The following LRRTM4 variants were observed in gnomAD, a reference collection of about 807,000 sequenced individuals.
The protein encoded by LRRTM4 is leucine rich repeat transmembrane neuronal 4.
In LRRTM4, 25 loss-of-function variants were observed where a neutral mutation model predicts 47.6. The observed-to-expected ratio is 0.53, with a 90% CI of 0.38 to 0.73. The LOEUF (loss-of-function observed/expected upper bound fraction) is 0.73, where lower values mean the gene tolerates loss of function less well. Among genes scored for constraint, LRRTM4 ranks in the 30% least tolerant of loss-of-function variants. The pLI is 0.00. For synonymous variants in LRRTM4, 311 were observed against 269.5 expected (o/e 1.15, Z -1.51); for missense variants, 638 against 713.4 (o/e 0.89, Z 1.20).
At chr2:77,275,258 T>C (rs1417809966) in intron 3 of LRRTM4, among the ~76,000 whole-genome samples, 1 of 152,156 alleles carries the variant, frequency 6.6e-6, no homozygotes, top group Non-Finnish European at 1.5e-5. Flanking sequence ...AAGATTACTT[T>C]GTAAGTTTTT....
chr2:77,081,750 A>T (rs1680541496), intron 3 of LRRTM4, among the ~76,000 whole-genome samples: 1 of 152,130 alleles, frequency 6.6e-6, no homozygotes, highest in Middle Eastern at 3.2e-3. Flanking sequence ...TAATTTTCTG[A>T]TAATGCTGCA....
chr2:76,828,545 G>T (rs1354776656), intron 3 of LRRTM4, among the ~76,000 whole-genome samples: 1 of 151,926 alleles, frequency 6.6e-6, no homozygotes, highest in African/African-American at 2.4e-5. Context: ...AAGGATAAGA[G>T]AAATGTGTAT....
intron 3 of LRRTM4, among the ~76,000 whole-genome samples, chr2:77,144,480 A>C (rs1161446087): frequency 6.6e-6 from 1 of 152,074 alleles, no homozygotes; most frequent in Non-Finnish European, 1.5e-5. Context: ...CACATTCATG[A>C]GAGAAGGAAA....
chr2:76,781,012 C>A (rs1489701217), intron 3 of LRRTM4, among the ~76,000 whole-genome samples: 2 of 152,264 alleles, frequency 1.3e-5, no homozygotes, highest in Non-Finnish European at 2.9e-5. Context: ...TGTTGGAATA[C>A]CCTGCCGTGT....
At chr2:76,949,469 T>C (rs1237980257) in intron 3 of LRRTM4, among the ~76,000 whole-genome samples, 3 of 151,882 alleles carry the variant, frequency 2.0e-5, no homozygotes, top group African/African-American at 2.4e-5. Context: ...GAGAGAACAA[T>C]TTATTCTGCT....
chr2:77,395,539 C>A (rs972542797), intron 3 of LRRTM4, among the ~76,000 whole-genome samples: 1 of 151,846 alleles, frequency 6.6e-6, no homozygotes, highest in Non-Finnish European at 1.5e-5. Context: ...TTGAGGAGAC[C>A]ACCTAATCTA....
chr2:77,380,723 G>A (rs929511615), intron 3 of LRRTM4, among the ~76,000 whole-genome samples: 1 of 151,734 alleles, frequency 6.6e-6, no homozygotes, highest in Non-Finnish European at 1.5e-5. Flanking sequence ...TTGAACCCGG[G>A]AGGCAGAGGA....
At chr2:76,936,256 C>G (rs1674943560) in intron 3 of LRRTM4, among the ~76,000 whole-genome samples, 1 of 151,812 alleles carries the variant, frequency 6.6e-6, no homozygotes, top group Admixed American at 6.6e-5. Context: ...TACTATGCAG[C>G]CATAAAAAAG....
chr2:76,986,802 A>G (rs534256027), intron 3 of LRRTM4, among the ~76,000 whole-genome samples: 2 of 151,942 alleles, frequency 1.3e-5, no homozygotes, highest in Non-Finnish European at 2.9e-5. Context: ...CTTTGCAGCT[A>G]TATAGGCCAA....
chr2:77,265,926 A>G (rs1195821390), intron 3 of LRRTM4, among the ~76,000 whole-genome samples: 1 of 152,214 alleles, frequency 6.6e-6, no homozygotes, highest in Non-Finnish European at 1.5e-5. Context: ...ATTTAGATGT[A>G]AAAAGGTAAG....
intron 3 of LRRTM4, among the ~76,000 whole-genome samples, chr2:76,921,924 A>T (rs1224981286): frequency 1.3e-5 from 2 of 152,108 alleles, no homozygotes; most frequent in Non-Finnish European, 2.9e-5. Flanking sequence ...AAATAAAATC[A>T]CTATCTGAAG....
intron 3 of LRRTM4, among the ~76,000 whole-genome samples, chr2:77,176,226 T>C (rs1673195327): frequency 6.6e-6 from 1 of 152,138 alleles, no homozygotes; most frequent in Non-Finnish European, 1.5e-5. Flanking sequence ...GGTTAATGTT[T>C]CCAGATGTGT....
chr2:77,333,836 A>T (rs191364638), intron 3 of LRRTM4, among the ~76,000 whole-genome samples: 3 of 152,252 alleles, frequency 2.0e-5, no homozygotes, highest in Admixed American at 2.0e-4. Flanking sequence ...GACAACTTGC[A>T]CCATGCACCT....
At chr2:76,858,467 A>C (rs985703765) in intron 3 of LRRTM4, among the ~76,000 whole-genome samples, 7 of 152,130 alleles carry the variant, frequency 4.6e-5, no homozygotes, top group Admixed American at 1.3e-4. Flanking sequence ...TTCAGATTGG[A>C]ACTATAACAT....
intron 3 of LRRTM4, among the ~76,000 whole-genome samples, chr2:77,400,450 C>T (rs998129711): frequency 6.6e-6 from 1 of 151,696 alleles, no homozygotes; most frequent in Non-Finnish European, 1.5e-5. Flanking sequence ...AACCTTCTAC[C>T]ACCTCTATAA....
At chr2:76,786,207 T>C (rs1338702616) in intron 3 of LRRTM4, among the ~76,000 whole-genome samples, 1 of 152,114 alleles carries the variant, frequency 6.6e-6, no homozygotes, top group Non-Finnish European at 1.5e-5. Flanking sequence ...CTAGCCTATC[T>C]TCCCAAATGA....
intron 3 of LRRTM4, among the ~76,000 whole-genome samples, chr2:77,011,741 T>G (rs985420452): frequency 4.6e-5 from 7 of 152,082 alleles, no homozygotes; most frequent in African/African-American, 1.7e-4. Flanking sequence ...ATAGTTAACA[T>G]TATCTTATTG....
chr2:77,188,095 C>T (rs1256877303), intron 3 of LRRTM4, among the ~76,000 whole-genome samples: 3 of 152,106 alleles, frequency 2.0e-5, no homozygotes, highest in African/African-American at 7.2e-5. Flanking sequence ...TGTTTACTCC[C>T]TGTAACTTTA....
chr2:76,805,619 G>A (rs538537913), intron 3 of LRRTM4, among the ~76,000 whole-genome samples: 3 of 152,132 alleles, frequency 2.0e-5, no homozygotes, highest in Non-Finnish European at 2.9e-5. Context: ...TTAAATTAAT[G>A]TTTTTAGGGC....
Sources: gnomAD v4.1 joint callset for allele counts (sites outside exome capture counted in the v4.1 genomes callset) on GRCh38, gnomAD v4.1.1 for gene constraint, MANE v1.5 for transcripts, NCBI Gene and HGNC (gene_info 2026-07-23, HGNC 2026-07-21) for gene names.